RANBP17: variants seen among roughly 807,000 people sequenced by gnomAD.
RANBP17 encodes the protein ran-binding protein 17.
Under a neutral mutation model 141.2 loss-of-function variants are expected in RANBP17, and 158 were observed. That is an observed-to-expected ratio of 1.12 (90% CI 0.98 to 1.28). RANBP17 has a LOEUF of 1.28. Among genes scored for constraint, RANBP17 ranks in the 50% most tolerant of loss-of-function variants. The pLI is 0.00. For synonymous variants in RANBP17, 430 were observed against 450.0 expected, an observed-to-expected ratio of 0.96 and a Z score of 0.56; for missense variants, 1,438 against 1,290.7, an observed-to-expected ratio of 1.11 and a Z score of -1.75.
intron 14 of RANBP17, among the ~76,000 whole-genome samples, chr5:170,973,209 A>T (rs1011074857): frequency 6.6e-6 from 1 of 152,234 alleles, no homozygotes; most frequent in African/African-American, 2.4e-5. Context: ...AAATTGATTC[A>T]TATATGCATT....
intron 14 of RANBP17, among the ~76,000 whole-genome samples, chr5:171,148,938 A>C (rs1758280437): frequency 6.6e-6 from 1 of 152,364 alleles, no homozygotes; most frequent in East Asian, 1.9e-4. Flanking sequence ...ATGAGCACTC[A>C]GTAAACGATA....
chr5:170,874,200 G>C, intron 1 of RANBP17, among the ~76,000 whole-genome samples: 1 of 152,194 alleles, frequency 6.6e-6, no homozygotes, highest in Non-Finnish European at 1.5e-5. Flanking sequence ...TGGTCAGTGA[G>C]ACTGTTATGA....
intron 5 of RANBP17, among the ~76,000 whole-genome samples, chr5:170,909,029 A>G (rs937034674): frequency 6.6e-6 from 1 of 151,922 alleles, no homozygotes; most frequent in African/African-American, 2.4e-5. Flanking sequence ...TGGTATGAAT[A>G]GTATAATTTT....
At chr5:171,157,738 TA>T (rs1759009103) in intron 14 of RANBP17, among the ~76,000 whole-genome samples, 1 of 152,222 alleles carries the variant, frequency 6.6e-6, no homozygotes, top group South Asian at 2.1e-4. Context: ...CTGTGAACAG[TA>T]ACTGCATCCA....
chr5:171,261,902 A>G (rs1766355899), intron 24 of RANBP17, among the ~76,000 whole-genome samples: 2 of 152,200 alleles, frequency 1.3e-5, no homozygotes, highest in Admixed American at 6.5e-5. Context: ...TTTTGACCAA[A>G]TGCCCTGTGA....
chr5:171,296,957 T>G (rs946103515), intron 27 of RANBP17, among the ~76,000 whole-genome samples: 5 of 152,188 alleles, frequency 3.3e-5, no homozygotes, highest in African/African-American at 1.2e-4. Context: ...TTAAAGATAT[T>G]TTATATCTGG....
chr5:171,271,545 G>T (rs954121681), intron 25 of RANBP17: 3 of 209,720 alleles, frequency 1.4e-5, no homozygotes, highest in African/African-American at 6.8e-5. Flanking sequence ...CTCTTAAAAA[G>T]AATAGTCAGA....
At chr5:171,147,877 G>A (rs373204029) in intron 14 of RANBP17, among the ~76,000 whole-genome samples, 6 of 152,258 alleles carry the variant, frequency 3.9e-5, no homozygotes, top group African/African-American at 9.6e-5. Flanking sequence ...CCACCACCCC[G>A]TCTGGGAGGT....
chr5:171,021,966 TG>T (rs1434884248), intron 14 of RANBP17, among the ~76,000 whole-genome samples: 6 of 152,104 alleles, frequency 3.9e-5, no homozygotes, highest in African/African-American at 1.2e-4. Flanking sequence ...TGGACTTTTT[TG>T]TTGTTGTTGT....
At chr5:171,031,257 A>C (rs1186469790) in intron 14 of RANBP17, among the ~76,000 whole-genome samples, 1 of 152,058 alleles carries the variant, frequency 6.6e-6, no homozygotes, top group African/African-American at 2.4e-5. Context: ...GTGTGTATTA[A>C]GGGACATGCT....
At chr5:170,964,723 G>T (rs1358752560) in intron 13 of RANBP17, among the ~76,000 whole-genome samples, 2 of 152,186 alleles carry the variant, frequency 1.3e-5, no homozygotes, top group African/African-American at 2.4e-5. Flanking sequence ...CAAAGGACAT[G>T]AACTCATCAT....
intron 25 of RANBP17, among the ~76,000 whole-genome samples, chr5:171,270,241 T>G (rs908505916): frequency 3.3e-5 from 5 of 152,234 alleles, no homozygotes; most frequent in Non-Finnish European, 7.3e-5. Flanking sequence ...GTTCTCCAAA[T>G]AATCCATTTT....
At chr5:171,199,073 T>TA (rs541894857) in intron 18 of RANBP17, among the ~76,000 whole-genome samples, 74 of 150,362 alleles carry the variant, frequency 4.9e-4, no homozygotes, top group African/African-American at 1.4e-3. Flanking sequence ...CTTCTCTATT[T>TA]AAAAAAAAAG....
At chr5:171,037,395 T>G (rs1485743591) in intron 14 of RANBP17, among the ~76,000 whole-genome samples, 3 of 152,318 alleles carry the variant, frequency 2.0e-5, no homozygotes, top group African/African-American at 7.2e-5. Context: ...GATTGTCTAT[T>G]TATTCTGTTG....
At chr5:171,161,657 T>G (rs553507280) in intron 14 of RANBP17, among the ~76,000 whole-genome samples, 14 of 152,348 alleles carry the variant, frequency 9.2e-5, no homozygotes, top group South Asian at 2.1e-4. Flanking sequence ...GGTTTAGTAG[T>G]CCACTAATAA....
At chr5:171,021,401 G>C (rs1245253611) in intron 14 of RANBP17, among the ~76,000 whole-genome samples, 1 of 152,114 alleles carries the variant, frequency 6.6e-6, no homozygotes, top group Non-Finnish European at 1.5e-5. Flanking sequence ...GTCACTTTCA[G>C]GTACACCAAT....
At chr5:171,115,939 G>C (rs567329746) in intron 14 of RANBP17, among the ~76,000 whole-genome samples, 1 of 152,282 alleles carries the variant, frequency 6.6e-6, no homozygotes, top group Non-Finnish European at 1.5e-5. Context: ...CTGAGTCCTA[G>C]CCCAGCCATT....
chr5:171,181,313 G>C (rs970824052), intron 16 of RANBP17, among the ~76,000 whole-genome samples: 2 of 152,108 alleles, frequency 1.3e-5, no homozygotes, highest in South Asian at 2.1e-4. Flanking sequence ...AGCCGGGCGT[G>C]GTGGCCCATG....
chr5:171,246,472 A>G (rs1363400445), intron 24 of RANBP17, among the ~76,000 whole-genome samples: 1 of 152,190 alleles, frequency 6.6e-6, no homozygotes, highest in African/African-American at 2.4e-5. Context: ...TTGTTGTACA[A>G]TAATTGAAAA....
Sources: allele counts gnomAD v4.1 joint callset (sites outside exome capture counted in the v4.1 genomes callset), GRCh38; gene constraint gnomAD v4.1.1; transcripts MANE v1.5; gene names NCBI Gene and HGNC (gene_info 2026-07-23, HGNC 2026-07-21).